The following GSTO2 variants were observed in gnomAD, a reference collection of about 807,000 sequenced individuals.
GSTO2 encodes glutathione S-transferase omega 2.
Under a neutral mutation model 28.4 loss-of-function variants are expected in GSTO2, and 23 were observed. The observed-to-expected ratio is 0.81, with a 90% CI of 0.58 to 1.15. The LOEUF is 1.15. Ranked by LOEUF, GSTO2 falls within the 50% of genes most tolerant of loss-of-function variation. GSTO2 has a pLI of 0.00. For missense variants in GSTO2, 298 were observed against 297.8 expected (o/e 1.00, Z 0.00); for synonymous variants, 109 against 111.0 (o/e 0.98, Z 0.11).
Position 104,299,277 on chromosome 10 carries a change from T to C in GSTO2, c.725T>C (p.Leu242Pro). The C allele has an allele frequency of 6.2e-7, 1 of 1,614,144 alleles. No individual in the cohort carries two copies. The highest frequency in any genetic ancestry group is 8.5e-7 in the Non-Finnish European group (1 of 1,179,988). Residue 242 changes from leucine (L) to proline (P), a missense_variant, in exon 7 of 7, where the codon CTG becomes CCG. Leu to Pro is a moderately conservative substitution (Grantham distance 98). Coordinates refer to ENST00000338595, the MANE Select transcript of GSTO2 (RefSeq NM_183239.2). ...QNNPNAFDFGLC is the reference protein window; with the variant it reads ...QNNPNAFDFGPC ...AACCCTAATGCCTTTGACTTTGGGC[T>C]GTGCTGAGTCTCACTGTCCACCCCT...
At chr10:104,270,867 G>C (rs1398893084) in intron 1 of GSTO2, among the ~76,000 whole-genome samples, 1 of 152,202 alleles carries the variant, frequency 6.6e-6, no homozygotes, top group South Asian at 2.1e-4. Flanking sequence ...TAAATAGAGT[G>C]TAAGCTATTT....
At chr10:104,292,438 G>A (rs978384375) in intron 5 of GSTO2, among the ~76,000 whole-genome samples, 9 of 151,352 alleles carry the variant, frequency 5.9e-5, no homozygotes, top group East Asian at 3.9e-4. Flanking sequence ...GATTACAGGC[G>A]TAAGGCACAG....
At chr10:104,297,526 C>A in intron 5 of GSTO2, 52 bp from the exon 6 acceptor site, 1 of 1,150,120 alleles carries the variant, frequency 8.7e-7, no homozygotes, top group Non-Finnish European at 1.3e-6. Context: ...TGTCTATAAA[C>A]ATGTCAGCAG....
intron 5 of GSTO2, chr10:104,295,626 G>A (rs545109056): frequency 1.3e-4 from 20 of 152,366 alleles, no homozygotes; most frequent in Admixed American, 5.9e-4. Flanking sequence ...TTGCAGATGA[G>A]AACATGGAGG....
intron 4 of GSTO2, among the ~76,000 whole-genome samples, 189 bp downstream of exon 4, chr10:104,278,305 C>T (rs899542901): frequency 2.0e-5 from 3 of 152,160 alleles, no homozygotes; most frequent in African/African-American, 2.4e-5. Context: ...AACTGCTAGG[C>T]GCTTCTCCAT....
chr10:104,284,056 T>TA (rs2012256334), intron 5 of GSTO2, among the ~76,000 whole-genome samples: 1 of 151,976 alleles, frequency 6.6e-6, no homozygotes, highest in Non-Finnish European at 1.5e-5. Context: ...TGTTTGCTTG[T>TA]TAGTTTTTTA....
chr10:104,299,462 C>G lies in GSTO2; in HGVS notation c.*178C>G, dbSNP rs2013194212. 2 of 661,788 alleles carry G rather than the reference C, an allele frequency of 3.0e-6. No homozygotes were observed. The highest frequency in any genetic ancestry group is 4.9e-6 in the Non-Finnish European group (2 of 408,504). 41.0% of individuals were successfully genotyped at this position (661,788 alleles called of 1,614,324 possible). On this transcript the variant is annotated 3_prime_UTR_variant, in exon 7 of 7. Coordinates refer to ENST00000338595, the MANE Select transcript of GSTO2 (RefSeq NM_183239.2). ...GTCTGACTCCTCTAGCCTGTAGCTGCTGCTACTGCTGCTTTTTTTTCCTTT... is the reference window on the plus strand; with the variant it reads ...GTCTGACTCCTCTAGCCTGTAGCTGGTGCTACTGCTGCTTTTTTTTCCTTT...
chr10:104,275,450 T>A (rs973192113), intron 3 of GSTO2, 116 bp downstream of exon 3: 1 of 854,548 alleles, frequency 1.2e-6, no homozygotes, highest in Non-Finnish European at 1.8e-6. Flanking sequence ...TGTCCCTTTT[T>A]TCGGAGGCAA....
At position 104,301,323 on chromosome 10, in the gene GSTO2, A is replaced by C. The variant is rs1425671143; in HGVS notation, c.*2039A>C. On this transcript the variant is annotated 3_prime_UTR_variant, in exon 7 of 7. Transcript: ENST00000338595. ...ACTAATTTAGAAAGCTTGAAGAACC[A>C]GGAATTATAGAATGGAGAAAAGCAC... 6.6e-6 allele frequency: 1 copy of C among 152,230 alleles called. No homozygotes were observed. Among genetic ancestry groups the C allele is most frequent in the Non-Finnish European group, 1.5e-5 (1 of 68,048 alleles). 9.4% of individuals were successfully genotyped at this position (152,230 alleles called of 1,614,324 possible). A position where few individuals can be genotyped will look rare whatever the true frequency, so the allele number is the denominator to read the frequency against.
At chr10:104,275,119 T>C in intron 2 of GSTO2, 107 bp from the exon 3 acceptor site, 5 of 1,513,642 alleles carry the variant, frequency 3.3e-6, no homozygotes, top group Non-Finnish European at 4.4e-6. Context: ...GACTTGGGAG[T>C]TGGAGCTCCC....
At chr10:104,271,547 T>TA (rs11449636) in intron 1 of GSTO2, among the ~76,000 whole-genome samples, 11,264 of 152,280 alleles carry the variant, frequency 0.074, 1,391 homozygotes, top group African/African-American at 0.26. Flanking sequence ...ATAGCTTGCC[T>TA]AAGTGCCAAA....
intron 5 of GSTO2, among the ~76,000 whole-genome samples, chr10:104,293,255 A>G (rs2012859502): frequency 6.6e-6 from 1 of 152,204 alleles, no homozygotes; most frequent in Admixed American, 6.5e-5. Context: ...AGGAGCTTTC[A>G]GAGTTTGCTG....
intron 5 of GSTO2, among the ~76,000 whole-genome samples, chr10:104,290,786 G>A (rs1392591272): frequency 1.3e-5 from 2 of 151,110 alleles, no homozygotes; most frequent in African/African-American, 4.9e-5. Context: ...GATGGTTAAT[G>A]GGTACAAAAA....
chr10:104,298,923 A>G (rs1337212379), intron 6 of GSTO2, among the ~76,000 whole-genome samples: 1 of 152,222 alleles, frequency 6.6e-6, no homozygotes, highest in African/African-American at 2.4e-5. Context: ...CTGTATTATT[A>G]GAAGCAACAA....
intron 5 of GSTO2, among the ~76,000 whole-genome samples, chr10:104,289,334 G>C (rs760285322): frequency 6.6e-6 from 1 of 152,146 alleles, no homozygotes; most frequent in Non-Finnish European, 1.5e-5. Context: ...GGGCTGAAGC[G>C]ATCCTTCCAC....
intron 5 of GSTO2, among the ~76,000 whole-genome samples, chr10:104,284,701 T>G (rs2012309032): frequency 6.6e-6 from 1 of 152,224 alleles, no homozygotes; most frequent in Non-Finnish European, 1.5e-5. Context: ...ATTTGATCTT[T>G]GTGGATTTGA....
intron 2 of GSTO2, 114 bp from the exon 3 acceptor site, chr10:104,275,112 T>G (rs1181384806): frequency 6.6e-7 from 1 of 1,515,730 alleles, no homozygotes; most frequent in Non-Finnish European, 8.8e-7. Flanking sequence ...TCTCTGGGAC[T>G]TGGGAGTTGG....
At chr10:104,270,083 G>A (rs992771443) in intron 1 of GSTO2, among the ~76,000 whole-genome samples, 2 of 150,920 alleles carry the variant, frequency 1.3e-5, no homozygotes, top group African/African-American at 4.9e-5. Context: ...GCGCGATCTC[G>A]GCTCACTGCA....
At chr10:104,277,197 G>A (rs2011682806) in intron 3 of GSTO2, among the ~76,000 whole-genome samples, 2 of 151,962 alleles carry the variant, frequency 1.3e-5, no homozygotes, top group Admixed American at 1.3e-4. Flanking sequence ...TACCAGATTT[G>A]TATTTTCAAG....
Sources: allele counts gnomAD v4.1 joint callset (sites outside exome capture counted in the v4.1 genomes callset), GRCh38; gene constraint gnomAD v4.1.1; transcripts MANE v1.5; gene names NCBI Gene and HGNC (gene_info 2026-07-23, HGNC 2026-07-21).